Variants in ALDH1L2 observed in about 807,000 individuals in gnomAD.
The protein encoded by ALDH1L2 is mitochondrial 10-formyltetrahydrofolate dehydrogenase.
Under a neutral mutation model 111.0 loss-of-function variants are expected in ALDH1L2, and 91 were observed. The ratio of observed to expected loss-of-function variants is 0.82; its 90% confidence interval spans 0.69 to 0.98. The LOEUF (loss-of-function observed/expected upper bound fraction) is 0.98, where lower values mean the gene tolerates loss of function less well. Ranked by LOEUF, ALDH1L2 falls within the 50% of genes least tolerant of loss-of-function variation. The pLI, the probability that ALDH1L2 is intolerant of heterozygous loss-of-function variation, is 0.00. For synonymous variants in ALDH1L2, 374 were observed against 392.6 expected (o/e 0.95, Z 0.56); for missense variants, 995 against 1,126.8 (o/e 0.88, Z 1.67).
At chr12:105,079,027 G>A (rs1398209816) in intron 1 of ALDH1L2, among the ~76,000 whole-genome samples, 1 of 152,184 alleles carries the variant, frequency 6.6e-6, no homozygotes, top group African/African-American at 2.4e-5. Context: ...TCACTGAGCC[G>A]CTTTAAGCAG....
chr12:105,039,819 G>A lies in ALDH1L2; in HGVS notation c.1952-13C>T, dbSNP rs1875411607. 1.2e-6 allele frequency: 2 copies of A among 1,612,466 alleles called. No homozygotes were observed. The highest frequency in any genetic ancestry group is 1.7e-6 in the Non-Finnish European group (2 of 1,178,680). On this transcript the variant is annotated splice_polypyrimidine_tract_variant and intron_variant, in intron 16 of 22. Coordinates refer to ENST00000258494, the MANE Select transcript of ALDH1L2 (RefSeq NM_001034173.4). ...CCTGCTATGCCACCTGTAGAATTAGGGAATAAAACGGGAATTAAAACATAC... is the reference window on the plus strand; with the variant it reads ...CCTGCTATGCCACCTGTAGAATTAGAGAATAAAACGGGAATTAAAACATAC...
At chr12:105,070,244 G>A (rs1025184707) in intron 3 of ALDH1L2, among the ~76,000 whole-genome samples, 39 of 152,334 alleles carry the variant, frequency 2.6e-4, no homozygotes, top group African/African-American at 8.9e-4. Flanking sequence ...CTTGGTAAAT[G>A]CTGTCCTGGT....
chr12:105,049,122 A>G (rs975290594), intron 13 of ALDH1L2, among the ~76,000 whole-genome samples: 1 of 152,166 alleles, frequency 6.6e-6, no homozygotes, highest in African/African-American at 2.4e-5. Context: ...TGCTTCCACC[A>G]TCTACGGTAG....
chr12:105,033,117 G>A (rs1874797876), intron 19 of ALDH1L2, among the ~76,000 whole-genome samples: 1 of 152,160 alleles, frequency 6.6e-6, no homozygotes, highest in Non-Finnish European at 1.5e-5. Flanking sequence ...CTCTTAGTGC[G>A]TTCCCCAGGG....
intron 1 of ALDH1L2, among the ~76,000 whole-genome samples, chr12:105,079,919 A>C (rs1878258268): frequency 6.6e-6 from 1 of 152,232 alleles, no homozygotes; most frequent in Non-Finnish European, 1.5e-5. Flanking sequence ...AATAATTCAA[A>C]TGAAATAATA....
At chr12:105,069,801 T>C (rs1389451370) in intron 3 of ALDH1L2, among the ~76,000 whole-genome samples, 1 of 152,198 alleles carries the variant, frequency 6.6e-6, no homozygotes, top group Non-Finnish European at 1.5e-5. Context: ...ACCCACAGTA[T>C]TGTGTCCCTA....
At position 105,026,525 on chromosome 12, in the gene ALDH1L2, G is replaced by A; in HGVS notation, c.2716+20C>T. ...GATGTGACAACAAAGGGAAGGTGAA[G>A]CAGAAAAGTAAAGCCATACCTAAGT... On this transcript the variant is annotated intron_variant, in intron 22 of 22. Coordinates refer to ENST00000258494, the MANE Select transcript of ALDH1L2 (RefSeq NM_001034173.4). The A allele has an allele frequency of 6.2e-7, 1 of 1,613,420 alleles. No individual in the cohort carries two copies. The highest frequency in any genetic ancestry group is 2.2e-5 in the East Asian group (1 of 44,870).
chr12:105,072,180 TTAA>T (rs1877776754), intron 2 of ALDH1L2, among the ~76,000 whole-genome samples: 1 of 148,086 alleles, frequency 6.8e-6, no homozygotes, highest in Admixed American at 6.8e-5. Context: ...ATGATATCTA[TTAA>T]TATCCTATAT....
chr12:105,039,010 C>T (rs1875358474), intron 17 of ALDH1L2, among the ~76,000 whole-genome samples: 1 of 152,102 alleles, frequency 6.6e-6, no homozygotes, highest in Non-Finnish European at 1.5e-5. Flanking sequence ...TTTGAAAATA[C>T]CTACCCCAAA....
intron 10 of ALDH1L2, 66 bp downstream of exon 10, chr12:105,058,007 C>A: frequency 3.4e-6 from 5 of 1,470,928 alleles, no homozygotes; most frequent in Non-Finnish European, 4.5e-6. Context: ...GGGCAACAGG[C>A]ACAGCAGTCT....
Position 105,070,688 on chromosome 12 carries a change from C to T in ALDH1L2, c.310G>A (p.Val104Met). 7 of 1,614,190 alleles carry T rather than the reference C, an allele frequency of 4.3e-6. No homozygotes were observed. The highest frequency in any genetic ancestry group is 5.9e-6 in the Non-Finnish European group (7 of 1,180,012). ...AYRSVGAELN[V>M]LPFCTQFIPM... ...ATGAACTGAGTGCAGAAAGGGAGCA[C>T]ATTTAGCTCTGCACCCACGGATCTG... Residue 104 changes from valine (V) to methionine (M), a missense_variant, in exon 3 of 23, where the codon GTG becomes ATG. Physicochemically the swap from Val to Met is conservative, Grantham distance 21. Transcript: ENST00000258494.
At chr12:105,027,069 C>G (rs2136044384) in intron 21 of ALDH1L2, among the ~76,000 whole-genome samples, 1 of 152,322 alleles carries the variant, frequency 6.6e-6, no homozygotes, top group East Asian at 1.9e-4. Flanking sequence ...GAGATAGCAT[C>G]TCCCTGTGTT....
chr12:105,022,822 C>A lies in ALDH1L2; in HGVS notation c.*1602G>T, dbSNP rs906882605. 1 of 152,166 alleles carries A rather than the reference C, an allele frequency of 6.6e-6. No homozygotes were observed. Among genetic ancestry groups the A allele is most frequent in the African/African-American group, 2.4e-5 (1 of 41,430 alleles). The allele number at this position is 152,166 out of a possible 1,614,324, so 9.4% of individuals were successfully genotyped here. A position where few individuals can be genotyped will look rare whatever the true frequency, so the allele number is the denominator to read the frequency against. On this transcript the variant is annotated 3_prime_UTR_variant, in exon 23 of 23. Transcript: ENST00000258494. ...TTTTGTTGTTTAGTTTTTATTGATT[C>A]CCTACAATCCCCTCATGTTATTCTG...
intron 2 of ALDH1L2, 150 bp downstream of exon 2, chr12:105,073,711 T>C (rs914520465): frequency 1.2e-5 from 14 of 1,130,756 alleles, no homozygotes; most frequent in African/African-American, 3.1e-5. Context: ...ATAAAAAGCT[T>C]TTCCCTGATT....
At chr12:105,046,185 CTCTCTCTCTATATATATA>C (rs1875857217) in intron 15 of ALDH1L2, among the ~76,000 whole-genome samples, 1 of 25,964 alleles carries the variant, frequency 3.9e-5, no homozygotes, top group East Asian at 1.4e-3. Context: ...CTCTCTCTCT[CTCTCTCTCTATATATATA>C]TATATATATA....
At chr12:105,052,430 T>C (rs1876346755) in intron 11 of ALDH1L2, among the ~76,000 whole-genome samples, 1 of 152,206 alleles carries the variant, frequency 6.6e-6, no homozygotes, top group Admixed American at 6.5e-5. Context: ...ATCATACTAC[T>C]TTATGGAAGA....
At chr12:105,076,671 G>A (rs1470150280) in intron 1 of ALDH1L2, among the ~76,000 whole-genome samples, 1 of 152,148 alleles carries the variant, frequency 6.6e-6, no homozygotes, top group Non-Finnish European at 1.5e-5. Flanking sequence ...GGGATAAAGT[G>A]TGTAATGCAT....
At chr12:105,046,531 C>T (rs1353399326) in intron 15 of ALDH1L2, among the ~76,000 whole-genome samples, 179 bp downstream of exon 15, 1 of 151,824 alleles carries the variant, frequency 6.6e-6, no homozygotes, top group African/African-American at 2.4e-5. Context: ...AATCTCCATA[C>T]AATGTATTAG....
At chr12:105,043,952 G>A (rs1318216951) in intron 15 of ALDH1L2, among the ~76,000 whole-genome samples, 1 of 152,210 alleles carries the variant, frequency 6.6e-6, no homozygotes, top group Non-Finnish European at 1.5e-5. Context: ...TAACAAAGCA[G>A]ACAACAGGTT....
Sources: allele counts gnomAD v4.1 joint callset (sites outside exome capture counted in the v4.1 genomes callset), GRCh38; gene constraint gnomAD v4.1.1; transcripts MANE v1.5; gene names NCBI Gene and HGNC (gene_info 2026-07-23, HGNC 2026-07-21).